The following DPP6 variants were observed in gnomAD, a reference collection of about 807,000 sequenced individuals.
DPP6 encodes A-type potassium channel modulatory protein DPP6.
Under a neutral mutation model 122.6 loss-of-function variants are expected in DPP6, and 69 were observed. That is an observed-to-expected ratio of 0.56 (90% CI 0.46 to 0.69). The LOEUF is 0.69. Among genes scored for constraint, DPP6 ranks in the 30% least tolerant of loss-of-function variants. The pLI, the probability that DPP6 is intolerant of heterozygous loss-of-function variation, is 0.00. For missense variants in DPP6, 928 were observed against 1,116.9 expected, an observed-to-expected ratio of 0.83 and a Z score of 2.41; for synonymous variants, 418 against 433.1, an observed-to-expected ratio of 0.97 and a Z score of 0.43.
chr7:154,310,600 C>G (rs529765870), intron 1 of DPP6, among the ~76,000 whole-genome samples: 1 of 152,140 alleles, frequency 6.6e-6, no homozygotes, highest in Non-Finnish European at 1.5e-5. Flanking sequence ...AAACCAAATC[C>G]AGCCCCCTCA....
intron 5 of DPP6, among the ~76,000 whole-genome samples, chr7:154,572,609 C>T (rs1831197717): frequency 6.8e-6 from 1 of 146,978 alleles, no homozygotes; most frequent in Middle Eastern, 3.2e-3. Context: ...CTCCCCATCC[C>T]AGGTTCAAGA....
At chr7:153,854,020 G>A in the DPP6 span, among the ~76,000 whole-genome samples, 3,701 of 146,778 alleles carry the variant, frequency 0.025, 135 homozygotes, top group African/African-American at 0.088. Flanking sequence ...ATTGATTTTT[G>A]TATAAGGTGT....
intron 1 of DPP6, among the ~76,000 whole-genome samples, chr7:154,107,373 T>C (rs557150145): frequency 6.6e-6 from 1 of 152,256 alleles, no homozygotes. Flanking sequence ...TTGTGTAGAA[T>C]CTTAAAAAGT....
At chr7:154,771,098 G>A (rs777405190) in intron 9 of DPP6, among the ~76,000 whole-genome samples, 7 of 152,212 alleles carry the variant, frequency 4.6e-5, no homozygotes, top group Non-Finnish European at 1.0e-4. Context: ...GTATGTGCCT[G>A]CTCTGCCATA....
intron 16 of DPP6, among the ~76,000 whole-genome samples, chr7:154,831,428 T>C (rs550371304): frequency 6.6e-6 from 1 of 152,326 alleles, no homozygotes; most frequent in East Asian, 1.9e-4. Context: ...AAAAACTCTT[T>C]ATTGCAAAAG....
chr7:153,980,214 A>G (rs1160775210), intron 1 of DPP6, among the ~76,000 whole-genome samples: 1 of 152,046 alleles, frequency 6.6e-6, no homozygotes, highest in Non-Finnish European at 1.5e-5. Context: ...TTACTGTATC[A>G]ATTTCCGAAC....
intron 7 of DPP6, among the ~76,000 whole-genome samples, chr7:154,706,286 G>C (rs1840825287): frequency 6.6e-6 from 1 of 152,120 alleles, no homozygotes; most frequent in Non-Finnish European, 1.5e-5. Context: ...GGTGAACGTG[G>C]CTCCCTCTCC....
At chr7:153,784,903 A>G in the DPP6 span, among the ~76,000 whole-genome samples, 1 of 152,234 alleles carries the variant, frequency 6.6e-6, no homozygotes, top group African/African-American at 2.4e-5. Context: ...CTGAATAAGC[A>G]TCCTTAATTA....
intron 1 of DPP6, among the ~76,000 whole-genome samples, chr7:154,169,792 G>A (rs924913820): frequency 1.3e-5 from 2 of 152,048 alleles, no homozygotes; most frequent in Non-Finnish European, 2.9e-5. Context: ...GTACAGTGGC[G>A]AGATCTTGGC....
chr7:154,887,660 C>A lies in DPP6; in HGVS notation c.2246-16C>A. ...TCGAAGCCAGAGGTAACCTCCCTCC[C>A]TTTGCTTCCGTGCAGCCTCTGCGTT... On this transcript the variant is annotated splice_polypyrimidine_tract_variant and intron_variant, in intron 22 of 25. Coordinates refer to ENST00000377770, the MANE Select transcript of DPP6 (RefSeq NM_130797.4). 1 of 1,613,696 alleles carries A rather than the reference C, an allele frequency of 6.2e-7. No homozygotes were observed.
At chr7:154,371,841 C>T (rs1812702371) in intron 1 of DPP6, among the ~76,000 whole-genome samples, 1 of 152,172 alleles carries the variant, frequency 6.6e-6, no homozygotes, top group Non-Finnish European at 1.5e-5. Flanking sequence ...ACAAACATGA[C>T]CTTTCCCTGT....
At chr7:154,747,856 C>T (rs925852178) in intron 8 of DPP6, among the ~76,000 whole-genome samples, 6 of 152,152 alleles carry the variant, frequency 3.9e-5, no homozygotes, top group African/African-American at 1.4e-4. Flanking sequence ...AAGCAAAGTG[C>T]GTCACAAATG....
chr7:154,019,146 C>CT (rs1458894643), intron 1 of DPP6, among the ~76,000 whole-genome samples: 1 of 152,186 alleles, frequency 6.6e-6, no homozygotes, highest in Non-Finnish European at 1.5e-5. Flanking sequence ...CAAGCCTAGT[C>CT]TATTCTGGCT....
At chr7:154,644,303 A>G (rs988444380) in intron 6 of DPP6, among the ~76,000 whole-genome samples, 1 of 152,318 alleles carries the variant, frequency 6.6e-6, no homozygotes. Context: ...AACCACACTA[A>G]TTGTGATTAT....
the DPP6 span, among the ~76,000 whole-genome samples, chr7:153,860,460 C>T: frequency 6.6e-6 from 1 of 152,108 alleles, no homozygotes; most frequent in East Asian, 1.9e-4. Flanking sequence ...CAACTCCCTG[C>T]CCACCCATTC....
intron 1 of DPP6, among the ~76,000 whole-genome samples, chr7:154,338,584 T>C (rs1483934797): frequency 1.3e-5 from 2 of 152,204 alleles, no homozygotes; most frequent in Non-Finnish European, 2.9e-5. Flanking sequence ...TTAATTTCCA[T>C]CGCTGTCTTT....
chr7:153,944,485 G>A (rs949890138), intron 1 of DPP6, among the ~76,000 whole-genome samples: 2 of 151,970 alleles, frequency 1.3e-5, no homozygotes, highest in African/African-American at 4.8e-5. Flanking sequence ...TGACTTCTCA[G>A]CCACCTTCCT....
intron 6 of DPP6, among the ~76,000 whole-genome samples, chr7:154,643,454 A>G (rs998875736): frequency 6.8e-6 from 1 of 147,182 alleles, no homozygotes; most frequent in Admixed American, 7.1e-5. Flanking sequence ...AAAGTCTGTT[A>G]AGTGAGTAAT....
At chr7:154,514,973 G>A (rs1002666014) in intron 3 of DPP6, among the ~76,000 whole-genome samples, 6 of 152,182 alleles carry the variant, frequency 3.9e-5, no homozygotes, top group Non-Finnish European at 8.8e-5. Flanking sequence ...ACATTTATAA[G>A]AAGCTCTTAA....
Sources: allele counts gnomAD v4.1 joint callset (sites outside exome capture counted in the v4.1 genomes callset), GRCh38; gene constraint gnomAD v4.1.1; transcripts MANE v1.5; gene names NCBI Gene and HGNC (gene_info 2026-07-23, HGNC 2026-07-21).